The following WDR7 variants were observed in gnomAD, a reference collection of about 807,000 sequenced individuals.
WDR7 encodes WD repeat-containing protein 7.
In WDR7, 46 loss-of-function variants were observed where a neutral mutation model predicts 169.4. The ratio of observed to expected loss-of-function variants is 0.27; its 90% CI spans 0.21 to 0.35. The LOEUF is 0.35. WDR7 is among the 10% of genes least tolerant of loss of function. The probability of loss-of-function intolerance (pLI) is 1.00; values close to 1 mark genes in which losing one functional copy is unlikely to be tolerated. For missense variants in WDR7, 1,534 were observed against 1,859.3 expected (o/e 0.83, Z 3.22); for synonymous variants, 612 against 666.8 (o/e 0.92, Z 1.27).
intron 7 of WDR7, among the ~76,000 whole-genome samples, chr18:56,687,990 T>C (rs530648978): frequency 3.0e-4 from 46 of 152,302 alleles, no homozygotes; most frequent in African/African-American, 1.0e-3. Flanking sequence ...GGATTACACA[T>C]GGGTATGAAT....
intron 21 of WDR7, among the ~76,000 whole-genome samples, chr18:56,912,476 T>C (rs1158434124): frequency 6.6e-6 from 1 of 152,208 alleles, no homozygotes; most frequent in Non-Finnish European, 1.5e-5. Flanking sequence ...GTGTACATTC[T>C]ATACTAAATA....
chr18:56,779,568 G>A lies in WDR7; in HGVS notation c.3066+19G>A, dbSNP rs749557994. ...CTTGGAGGTAATGCTAAAGTGATAA[G>A]GATAGAAAACAAAAATATTAAAAAG... On this transcript the variant is annotated intron_variant, in intron 18 of 27. Coordinates refer to ENST00000254442, the MANE Select transcript of WDR7 (RefSeq NM_015285.3). The A allele has an allele frequency of 3.8e-6, 6 of 1,589,238 alleles. No homozygotes were observed. The highest frequency in any genetic ancestry group is 5.1e-6 in the Non-Finnish European group (6 of 1,167,056).
intron 21 of WDR7, among the ~76,000 whole-genome samples, chr18:56,895,985 T>C (rs968253235): frequency 2.0e-5 from 3 of 151,852 alleles, no homozygotes; most frequent in Admixed American, 6.6e-5. Flanking sequence ...TAAACACATG[T>C]AGTGCTGACA....
intron 15 of WDR7, among the ~76,000 whole-genome samples, chr18:56,758,206 A>G (rs1294221668): frequency 1.3e-5 from 2 of 152,190 alleles, no homozygotes; most frequent in Admixed American, 6.5e-5. Context: ...TTGAGCATTT[A>G]CCATATGAAG....
At chr18:57,005,617 A>G (rs1222011639) in intron 26 of WDR7, among the ~76,000 whole-genome samples, 1 of 152,178 alleles carries the variant, frequency 6.6e-6, no homozygotes, top group Admixed American at 6.5e-5. Context: ...CAGTTTTATT[A>G]TAAGTACCCC....
At chr18:56,858,851 C>T (rs992565739) in intron 20 of WDR7, among the ~76,000 whole-genome samples, 7 of 152,284 alleles carry the variant, frequency 4.6e-5, no homozygotes, top group Non-Finnish European at 1.0e-4. Context: ...TGACAGAAGT[C>T]GTCTCAACCC....
chr18:56,694,527 A>G (rs1027687162), intron 9 of WDR7, 92 bp from the exon 10 acceptor site: 36 of 1,325,640 alleles, frequency 2.7e-5, no homozygotes, highest in Non-Finnish European at 3.7e-5. Context: ...TACTGGGACA[A>G]ATTACCTAAT....
intron 13 of WDR7, among the ~76,000 whole-genome samples, chr18:56,722,130 T>A (rs1348700512): frequency 6.6e-6 from 1 of 152,230 alleles, no homozygotes; most frequent in Non-Finnish European, 1.5e-5. Flanking sequence ...TATTTGTATG[T>A]CTTTTGAAAA....
chr18:56,946,518 G>A (rs981578431), intron 25 of WDR7, among the ~76,000 whole-genome samples: 5 of 152,134 alleles, frequency 3.3e-5, no homozygotes, highest in African/African-American at 1.2e-4. Flanking sequence ...TTTGCCTTGG[G>A]CATTAAGCAG....
intron 1 of WDR7, among the ~76,000 whole-genome samples, chr18:56,669,696 G>T (rs928220467): frequency 2.6e-5 from 4 of 151,974 alleles, no homozygotes; most frequent in African/African-American, 9.7e-5. Context: ...AATTTTATTT[G>T]AGAGTTTCTA....
At chr18:56,880,221 C>A in intron 21 of WDR7, 56 bp downstream of exon 21, 3 of 1,513,776 alleles carry the variant, frequency 2.0e-6, no homozygotes, top group East Asian at 2.4e-5. Flanking sequence ...TATTATTTGT[C>A]AGCAAAATCT....
At chr18:56,972,013 A>G (rs757391211) in intron 26 of WDR7, among the ~76,000 whole-genome samples, 3 of 152,244 alleles carry the variant, frequency 2.0e-5, no homozygotes, top group Non-Finnish European at 4.4e-5. Flanking sequence ...TAAATAACTG[A>G]ATGCTGACAT....
intron 14 of WDR7, among the ~76,000 whole-genome samples, chr18:56,752,767 T>C (rs2043816954): frequency 6.6e-6 from 1 of 152,162 alleles, no homozygotes; most frequent in Non-Finnish European, 1.5e-5. Flanking sequence ...CAGGAAGTAG[T>C]GATAGATCTG....
rs188820641 is a variant in WDR7 at position 57,004,647 on chromosome 18, C to T, written c.4165-16098C>T. Among the ~76,000 whole-genome samples the T allele has an allele frequency of 3.5e-4, 54 of 152,224 alleles. 1 individual carries two copies. Among genetic ancestry groups the T allele is most frequent in the South Asian group, 2.1e-4 (1 of 4,818 alleles). On this transcript the variant is annotated intron_variant, in intron 26 of 27. Transcript: ENST00000254442. Reference sequence around the variant, plus strand: ...TAGCAGGTCATTTTAAAAATTACCACATTGCATACGGAATAGCCAGGAGTG... The same window carrying T: ...TAGCAGGTCATTTTAAAAATTACCATATTGCATACGGAATAGCCAGGAGTG...
chr18:56,748,619 A>G (rs1045033570), intron 14 of WDR7, among the ~76,000 whole-genome samples: 4 of 152,124 alleles, frequency 2.6e-5, no homozygotes, highest in Non-Finnish European at 5.9e-5. Flanking sequence ...ACCTCAGTCA[A>G]ATGTCTCTAG....
chr18:56,711,545 GT>G (rs530280281), intron 12 of WDR7, among the ~76,000 whole-genome samples: 4 of 150,502 alleles, frequency 2.7e-5, no homozygotes, highest in East Asian at 1.9e-4. Flanking sequence ...TTTCTTCAGT[GT>G]TTTTTTTTAT....
At chr18:56,830,466 A>C (rs1487889352) in intron 20 of WDR7, among the ~76,000 whole-genome samples, 1 of 152,242 alleles carries the variant, frequency 6.6e-6, no homozygotes, top group Non-Finnish European at 1.5e-5. Flanking sequence ...GAATTAGGGA[A>C]GAGGACTTCT....
chr18:56,814,814 A>T (rs1038006882), intron 19 of WDR7, among the ~76,000 whole-genome samples: 6 of 152,158 alleles, frequency 3.9e-5, no homozygotes, highest in African/African-American at 1.4e-4. Flanking sequence ...TAAAAAAAAA[A>T]ATGCTTCTGC....
At chr18:57,025,403 T>A (rs1047988591) in intron 27 of WDR7, among the ~76,000 whole-genome samples, 1 of 152,180 alleles carries the variant, frequency 6.6e-6, no homozygotes, top group African/African-American at 2.4e-5. Context: ...TTTGGGAACA[T>A]CCAAGAAAGC....
Sources: allele counts gnomAD v4.1 joint callset (sites outside exome capture counted in the v4.1 genomes callset), GRCh38; gene constraint gnomAD v4.1.1; transcripts MANE v1.5; gene names NCBI Gene and HGNC (gene_info 2026-07-23, HGNC 2026-07-21).